The following CCDC7 variants were observed in gnomAD, a reference collection of about 807,000 sequenced individuals.
The protein encoded by CCDC7 is coiled-coil domain-containing protein 7.
A neutral mutation model predicts 196.9 loss-of-function variants in CCDC7; 183 were observed. The ratio of observed to expected loss-of-function variants is 0.93; its 90% confidence interval spans 0.82 to 1.05. The LOEUF (loss-of-function observed/expected upper bound fraction) is 1.05. CCDC7 is among the 50% of genes least tolerant of loss of function. The pLI, the probability that CCDC7 is intolerant of heterozygous loss-of-function variation, is 0.00. For missense variants in CCDC7, 1,540 were observed against 1,482.2 expected (o/e 1.04, Z -0.64); for synonymous variants, 525 against 484.6 (o/e 1.08, Z -1.10).
chr10:32,497,844 T>C (rs766603158), intron 9 of CCDC7, among the ~76,000 whole-genome samples: 28 of 152,188 alleles, frequency 1.8e-4, no homozygotes, highest in Admixed American at 4.6e-4. Context: ...AAGTGCAATG[T>C]GGTGTTGAGA....
chr10:32,792,697 G>A (rs1355718176), intron 29 of CCDC7, among the ~76,000 whole-genome samples: 3 of 152,144 alleles, frequency 2.0e-5, no homozygotes, highest in Non-Finnish European at 2.9e-5. Context: ...CTGCTCGGGA[G>A]GCTGAGGCAG....
intron 18 of CCDC7, among the ~76,000 whole-genome samples, chr10:32,624,984 G>GTTTTTTTTTTTTTTTTTTTTTTTTTTTT (rs35752534): frequency 1.9e-5 from 1 of 51,660 alleles, no homozygotes; most frequent in Non-Finnish European, 3.6e-5. Flanking sequence ...CTTTGCACAA[G>GTTTTTTTTTTTTTTTTTTTTTTTTTTTT]TTTTTTTTTT....
chr10:32,515,958 G>A (rs1041097895), intron 9 of CCDC7, among the ~76,000 whole-genome samples: 1 of 152,044 alleles, frequency 6.6e-6, no homozygotes, highest in African/African-American at 2.4e-5. Flanking sequence ...CATTGGGTTA[G>A]GCAGTGGTTT....
chr10:32,548,266 T>A (rs979927003), intron 13 of CCDC7, among the ~76,000 whole-genome samples: 1 of 152,102 alleles, frequency 6.6e-6, no homozygotes, highest in Non-Finnish European at 1.5e-5. Context: ...CTAATTCCGA[T>A]TGGCTATTTT....
chr10:32,662,302 G>A (rs1346955794), intron 20 of CCDC7, among the ~76,000 whole-genome samples: 1 of 152,194 alleles, frequency 6.6e-6, no homozygotes, highest in East Asian at 1.9e-4. Context: ...ACAATATGAA[G>A]TTAAAACCAG....
chr10:32,477,214 A>T (rs1232158522), intron 8 of CCDC7, among the ~76,000 whole-genome samples: 1 of 147,580 alleles, frequency 6.8e-6, no homozygotes, highest in Admixed American at 6.7e-5. Context: ...TTTTGAGTTA[A>T]TTTTTTTTTT....
chr10:32,460,318 TAAA>T lies in CCDC7; in HGVS notation c.457-2362_457-2360del, dbSNP rs549383473. ...AATGATTAAACAAATCATTACAAAA[TAAA>T]AAGGCATTTCACAGTGGATCAGTTT... is the stretch of plus-strand genomic sequence containing the variant. On this transcript the variant is annotated intron_variant, in intron 3 of 41. Coordinates refer to ENST00000639629, the Ensembl canonical transcript of CCDC7. Among the ~76,000 whole-genome samples the T allele has an allele frequency of 3.3e-3, 502 of 152,286 alleles. 5 individuals carry two copies. The highest frequency in any genetic ancestry group is 6.2e-3 in the Non-Finnish European group (421 of 68,014).
intron 11 of CCDC7, among the ~76,000 whole-genome samples, chr10:32,529,715 G>A (rs576073268): frequency 6.6e-6 from 1 of 152,212 alleles, no homozygotes; most frequent in Non-Finnish European, 1.5e-5. Flanking sequence ...CTCCCATGCT[G>A]TGGGTTGTCT....
chr10:32,465,441 CTTTTT>C (rs34042956), intron 5 of CCDC7, among the ~76,000 whole-genome samples: 14 of 140,530 alleles, frequency 1.0e-4, no homozygotes, highest in Non-Finnish European at 9.3e-5. Context: ...ATTAAACAGA[CTTTTT>C]TTTTTTTTTT....
At chr10:32,453,717 G>A (rs1053941591) in intron 2 of CCDC7, among the ~76,000 whole-genome samples, 1 of 152,108 alleles carries the variant, frequency 6.6e-6, no homozygotes, top group Admixed American at 6.5e-5. Context: ...GTAAAGATAT[G>A]GGGCCACAGG....
intron 9 of CCDC7, among the ~76,000 whole-genome samples, chr10:32,505,296 C>A (rs2044724929): frequency 1.3e-5 from 2 of 151,972 alleles, no homozygotes; most frequent in Non-Finnish European, 2.9e-5. Flanking sequence ...AACACGTGAA[C>A]AAAGGTCTCT....
intron 25 of CCDC7, among the ~76,000 whole-genome samples, chr10:32,721,532 G>A (rs1231805221): frequency 6.6e-6 from 1 of 152,114 alleles, no homozygotes; most frequent in Non-Finnish European, 1.5e-5. Flanking sequence ...CATAATATAT[G>A]GGTGTCATCT....
intron 21 of CCDC7, among the ~76,000 whole-genome samples, chr10:32,675,262 T>C (rs968673858): frequency 4.1e-5 from 6 of 146,226 alleles, no homozygotes; most frequent in African/African-American, 1.5e-4. Context: ...CTGATACAGG[T>C]TTTTCTTTAC....
chr10:32,643,402 A>G (rs1368699968), intron 20 of CCDC7, among the ~76,000 whole-genome samples: 1 of 152,034 alleles, frequency 6.6e-6, no homozygotes, highest in African/African-American at 2.4e-5. Context: ...TAATTTACTG[A>G]CATAGCTTGT....
intron 13 of CCDC7, among the ~76,000 whole-genome samples, chr10:32,555,694 G>A (rs1407535067): frequency 2.0e-5 from 3 of 152,136 alleles, no homozygotes; most frequent in African/African-American, 4.8e-5. Flanking sequence ...TTCAATTTTT[G>A]TAAGTGTTCT....
intron 6 of CCDC7, among the ~76,000 whole-genome samples, chr10:32,472,033 A>C (rs1285564124): frequency 6.6e-6 from 1 of 152,204 alleles, no homozygotes; most frequent in African/African-American, 2.4e-5. Context: ...TAATGAGAAT[A>C]AACTGAAGCC....
intron 13 of CCDC7, among the ~76,000 whole-genome samples, chr10:32,551,103 C>T (rs906444837): frequency 6.6e-6 from 1 of 152,084 alleles, no homozygotes; most frequent in African/African-American, 2.4e-5. Context: ...TTCAGAGCAT[C>T]TAATTCTTCC....
At chr10:32,844,390 C>T (rs909281565) in intron 33 of CCDC7, among the ~76,000 whole-genome samples, 3 of 151,836 alleles carry the variant, frequency 2.0e-5, no homozygotes, top group Non-Finnish European at 4.4e-5. Context: ...AATTATTTTT[C>T]TACATTATTG....
intron 25 of CCDC7, among the ~76,000 whole-genome samples, chr10:32,713,796 CTT>C (rs1271539467): frequency 2.0e-5 from 3 of 152,244 alleles, no homozygotes; most frequent in Admixed American, 6.5e-5. Context: ...TTTTGCCACT[CTT>C]TCCATTGGCC....
Sources: gnomAD v4.1 joint callset for allele counts (sites outside exome capture counted in the v4.1 genomes callset) on GRCh38, gnomAD v4.1.1 for gene constraint, MANE v1.5 for transcripts, NCBI Gene and HGNC (gene_info 2026-07-23, HGNC 2026-07-21) for gene names.